Variants in NALCN observed in about 807,000 individuals in gnomAD.
NALCN encodes sodium leak channel, non-selective, also known as sodium leak channel NALCN.
NALCN carries 111 observed loss-of-function variants against 225.3 expected under a neutral mutation model. That is an observed-to-expected ratio of 0.49 (90% confidence interval 0.42 to 0.58). The LOEUF is 0.58. Among genes scored for constraint, NALCN ranks in the 20% least tolerant of loss-of-function variants. NALCN has a pLI of 0.00. For missense variants in NALCN, 1,378 were observed against 2,202.4 expected, an observed-to-expected ratio of 0.63 and a Z score of 7.49; for synonymous variants, 764 against 769.0, an observed-to-expected ratio of 0.99 and a Z score of 0.11.
Position 101,294,223 on chromosome 13 carries a change from T to C in NALCN, c.800-1857A>G, listed in dbSNP as rs369296964. ...AAGAAATTATTAATGGGTACAAACA[T>C]AGAGTTAGATAGAAGGAATAAGTTG... On this transcript the variant is annotated intron_variant, in intron 7 of 43. Coordinates refer to ENST00000251127, the MANE Select transcript of NALCN (RefSeq NM_052867.4). 3.9e-4 allele frequency among the ~76,000 whole-genome samples: 59 copies of C among 152,216 alleles called. 1 individual carries two copies. The highest frequency in any genetic ancestry group is 1.3e-3 in the African/African-American group (53 of 41,546).
chr13:101,090,275 A>T (rs1258463021), intron 28 of NALCN, among the ~76,000 whole-genome samples: 5 of 152,188 alleles, frequency 3.3e-5, no homozygotes, highest in Non-Finnish European at 7.4e-5. Context: ...TTCTAGCTTG[A>T]GAGGTTCTGC....
intron 1 of NALCN, among the ~76,000 whole-genome samples, chr13:101,414,491 A>G (rs2047877216): frequency 6.6e-6 from 1 of 152,194 alleles, no homozygotes; most frequent in Non-Finnish European, 1.5e-5. Context: ...TCATCGATAA[A>G]TGATAAAACA....
At chr13:101,311,130 T>C (rs560764705) in intron 7 of NALCN, among the ~76,000 whole-genome samples, 73 of 150,796 alleles carry the variant, frequency 4.8e-4, no homozygotes, top group African/African-American at 1.7e-3. Flanking sequence ...CAACTGTGAA[T>C]GGGAGTTCAC....
intron 28 of NALCN, 128 bp downstream of exon 28, chr13:101,095,442 CCCTG>C: frequency 4.4e-6 from 3 of 681,204 alleles, no homozygotes; most frequent in Non-Finnish European, 4.8e-6. Context: ...TAGCGCTTCG[CCCTG>C]TATGACTTAA....
chr13:101,226,383 G>A (rs973828475), intron 13 of NALCN, among the ~76,000 whole-genome samples: 4 of 152,288 alleles, frequency 2.6e-5, no homozygotes, highest in South Asian at 4.1e-4. Flanking sequence ...ATGCTCCTGA[G>A]CAAAATTGGC....
Position 101,059,791 on chromosome 13 carries a change from G to A in NALCN, c.4905+27C>T, listed in dbSNP as rs2031691287. ...AAGAAAGAAGCCCACAGAGTGTCCT[G>A]GGACAGAGGACGCCTCGTGCCCATA... On this transcript the variant is annotated intron_variant, in intron 42 of 43. Transcript: ENST00000251127. 3.7e-6 allele frequency: 6 copies of A among 1,611,464 alleles called. No individual in the cohort carries two copies. The East Asian group carries it at 1.3e-4, about 36-fold the overall frequency.
At chr13:101,276,456 A>C (rs2042977040) in intron 10 of NALCN, among the ~76,000 whole-genome samples, 1 of 152,196 alleles carries the variant, frequency 6.6e-6, no homozygotes, top group South Asian at 2.1e-4. Flanking sequence ...CCTTTCTGCT[A>C]GTCCTCCTGC....
intron 26 of NALCN, among the ~76,000 whole-genome samples, chr13:101,102,554 T>C (rs550894702): frequency 6.6e-6 from 1 of 152,334 alleles, no homozygotes; most frequent in Admixed American, 6.5e-5. Context: ...GCCTCTTTCT[T>C]GTTGTTTTAT....
intron 7 of NALCN, among the ~76,000 whole-genome samples, chr13:101,294,506 C>T (rs2043664729): frequency 6.7e-6 from 1 of 149,554 alleles, no homozygotes; most frequent in South Asian, 2.1e-4. Flanking sequence ...TCTTATTATC[C>T]TTAAATATAG....
At chr13:101,410,894 T>A (rs1221594387) in intron 1 of NALCN, among the ~76,000 whole-genome samples, 1 of 152,210 alleles carries the variant, frequency 6.6e-6, no homozygotes, top group South Asian at 2.1e-4. Flanking sequence ...CTTCCTTCCA[T>A]CACTAAGACG....
chr13:101,142,468 T>A (rs371287100), intron 17 of NALCN, among the ~76,000 whole-genome samples: 533 of 152,222 alleles, frequency 3.5e-3, no homozygotes, highest in African/African-American at 0.012. Context: ...TAAAAGTGAA[T>A]AAATGAAAAA....
intron 10 of NALCN, among the ~76,000 whole-genome samples, chr13:101,276,555 T>A (rs1387027323): frequency 2.0e-5 from 3 of 152,240 alleles, no homozygotes; most frequent in Non-Finnish European, 4.4e-5. Context: ...GGGCACCAGA[T>A]TGAATCGTTT....
chr13:101,126,912 CATCTGCT>C (rs2036262138), intron 17 of NALCN, among the ~76,000 whole-genome samples: 1 of 152,204 alleles, frequency 6.6e-6, no homozygotes, highest in African/African-American at 2.4e-5. Flanking sequence ...CATCGTGGAG[CATCTGCT>C]CTTTAGACAC....
intron 6 of NALCN, among the ~76,000 whole-genome samples, chr13:101,370,913 A>G (rs2139399770): frequency 6.6e-6 from 1 of 152,286 alleles, no homozygotes; most frequent in African/African-American, 2.4e-5. Flanking sequence ...AATTCCCACC[A>G]CAACCTTTAT....
intron 7 of NALCN, among the ~76,000 whole-genome samples, chr13:101,312,868 C>T (rs1166255582): frequency 1.3e-5 from 2 of 152,116 alleles, no homozygotes; most frequent in Admixed American, 6.5e-5. Context: ...GAGCCCGCAT[C>T]ACCAAGTCAA....
At chr13:101,061,477 G>A (rs2031933214) in intron 41 of NALCN, among the ~76,000 whole-genome samples, 1 of 151,872 alleles carries the variant, frequency 6.6e-6, no homozygotes, top group Admixed American at 6.6e-5. Flanking sequence ...TACCTCCCAG[G>A]TTCAAGTGAT....
chr13:101,114,833 G>A (rs1551211), intron 18 of NALCN, among the ~76,000 whole-genome samples: 47,763 of 152,054 alleles, frequency 0.31, 8,417 homozygotes, highest in East Asian at 0.68. Flanking sequence ...AGCATGGCTT[G>A]CACAGCCCCG....
intron 6 of NALCN, among the ~76,000 whole-genome samples, chr13:101,355,018 A>AGT (rs1334635228): frequency 1.3e-5 from 2 of 152,178 alleles, no homozygotes; most frequent in Non-Finnish European, 2.9e-5. Flanking sequence ...TCCTGCTCTG[A>AGT]GTTCACAGGG....
intron 10 of NALCN, among the ~76,000 whole-genome samples, chr13:101,283,727 A>T (rs1466553478): frequency 6.6e-6 from 1 of 152,060 alleles, no homozygotes; most frequent in African/African-American, 2.4e-5. Flanking sequence ...GCCTGCAGCC[A>T]TCAGAAACTT....
Sources: allele counts gnomAD v4.1 joint callset (sites outside exome capture counted in the v4.1 genomes callset), GRCh38; gene constraint gnomAD v4.1.1; transcripts MANE v1.5; gene names NCBI Gene and HGNC (gene_info 2026-07-23, HGNC 2026-07-21).